The following ZNF469 variants were observed in gnomAD, a reference collection of about 807,000 sequenced individuals.
The protein encoded by ZNF469 is zinc finger protein 469.
Under a neutral mutation model 1.0 loss-of-function variants are expected in ZNF469, and 1 was observed. That is an observed-to-expected ratio of 1.00 (90% CI 0.35 to 4.73). The LOEUF (loss-of-function observed/expected upper bound fraction) is 4.73. Among genes scored for constraint, ZNF469 ranks in the 30% most tolerant of loss-of-function variants. The pLI is 0.16. For synonymous variants in ZNF469, 2,703 were observed against 2,363.4 expected (o/e 1.14, Z -4.17); for missense variants, 6,100 against 5,356.3 (o/e 1.14, Z -4.33).
chr16:88,298,004 G>C, the ZNF469 span, among the ~76,000 whole-genome samples: 2 of 152,184 alleles, frequency 1.3e-5, no homozygotes, highest in East Asian at 3.9e-4. Context: ...AGGGCGAGTC[G>C]ATTCCTGCAA....
At chr16:88,397,028 G>A (rs1327661294) in intron 1 of ZNF469, among the ~76,000 whole-genome samples, 1 of 151,568 alleles carries the variant, frequency 6.6e-6, no homozygotes, top group Non-Finnish European at 1.5e-5. Flanking sequence ...GGGAGGCCGG[G>A]AGGAGACCCT....
At chr16:88,240,596 G>A in the ZNF469 span, among the ~76,000 whole-genome samples, 11 of 152,100 alleles carry the variant, frequency 7.2e-5, no homozygotes, top group East Asian at 9.6e-4. Flanking sequence ...CGAGAGAAGC[G>A]TCTCTGGAGC....
chr16:88,285,449 A>G, the ZNF469 span, among the ~76,000 whole-genome samples: 1 of 152,228 alleles, frequency 6.6e-6, no homozygotes, highest in Non-Finnish European at 1.5e-5. Context: ...GTGGGAGGCC[A>G]CACTGTCACA....
At chr16:88,116,005 C>T in the ZNF469 span, among the ~76,000 whole-genome samples, 4 of 152,286 alleles carry the variant, frequency 2.6e-5, no homozygotes, top group Non-Finnish European at 4.4e-5. Flanking sequence ...GAAAAGTGTG[C>T]GCTCTGGGAA....
chr16:88,253,756 C>T, the ZNF469 span, among the ~76,000 whole-genome samples: 1 of 152,182 alleles, frequency 6.6e-6, no homozygotes, highest in Non-Finnish European at 1.5e-5. Context: ...CCAGGGTAGT[C>T]TCGAACTCCT....
In ZNF469 at chr16:88,431,370, C is replaced by G; in HGVS notation, c.3900C>G (p.Ser1300Arg). 1 of 1,549,942 alleles carries G rather than the reference C, an allele frequency of 6.5e-7. No individual in the cohort carries two copies. The highest frequency in any genetic ancestry group is 8.7e-7 in the Non-Finnish European group (1 of 1,146,860). ...GCTCGCCAACGCCAGGTGTGGGCAG[C>G]CTGCTGGGTGGTCCTGGGGGCACAC... ...HGSSPTPGVG[S>R]LLGGPGGTQA... Residue 1300 changes from serine (S) to arginine (R), a missense_variant, in exon 3 of 3, where the codon AGC becomes AGG. Transcript: ENST00000565624.
intron 1 of ZNF469, among the ~76,000 whole-genome samples, chr16:88,407,303 T>A (rs563243638): frequency 2.6e-5 from 4 of 152,358 alleles, no homozygotes; most frequent in African/African-American, 9.6e-5. Flanking sequence ...CGCCAGCACC[T>A]GCGTGCAGCT....
the ZNF469 span, among the ~76,000 whole-genome samples, chr16:88,145,366 C>T: frequency 3.9e-5 from 6 of 152,222 alleles, no homozygotes; most frequent in African/African-American, 7.2e-5. Flanking sequence ...CTGCTCCCCC[C>T]ACCTCCCCTC....
At chr16:88,190,179 C>G in the ZNF469 span, among the ~76,000 whole-genome samples, 1 of 152,230 alleles carries the variant, frequency 6.6e-6, no homozygotes, top group East Asian at 1.9e-4. Context: ...AAAACCTTCT[C>G]ATTTTTCTGG....
At chr16:88,268,948 G>A in the ZNF469 span, among the ~76,000 whole-genome samples, 1 of 152,238 alleles carries the variant, frequency 6.6e-6, no homozygotes, top group Non-Finnish European at 1.5e-5. Flanking sequence ...CCTGGGCAGT[G>A]ACATCACATT....
At chr16:88,110,869 G>A in the ZNF469 span, among the ~76,000 whole-genome samples, 1 of 152,258 alleles carries the variant, frequency 6.6e-6, no homozygotes, top group African/African-American at 2.4e-5. Flanking sequence ...CTGGAGAAAT[G>A]CGTCTGCAGC....
At chr16:88,361,963 TGTAA>T in the ZNF469 span, among the ~76,000 whole-genome samples, 6 of 152,330 alleles carry the variant, frequency 3.9e-5, no homozygotes, top group South Asian at 2.1e-4. Flanking sequence ...CAAATCGTCA[TGTAA>T]GTGTGTGTCT....
Position 88,428,116 on chromosome 16 carries a change from A to G in ZNF469, c.646A>G (p.Thr216Ala), listed in dbSNP as rs1905827976. The G allele has an allele frequency of 1.9e-6, 3 of 1,548,930 alleles. No homozygotes were observed. In the Admixed American group the frequency reaches 5.9e-5, roughly 30 times the overall value. ...PAPGPPQSRG[T>A]SPLQPGSYPE... ...CCCGGGGCCCCCCCAGAGCAGGGGC[A>G]CCAGCCCCCTCCAGCCCGGTTCCTA... is the stretch of plus-strand genomic sequence containing the variant. The change falls in exon 3 of 3, where the codon ACC becomes GCC. Residue 216 changes from threonine (T) to alanine (A), a missense_variant. Thr to Ala is a moderately conservative substitution (Grantham distance 58). Transcript: ENST00000565624.
the ZNF469 span, among the ~76,000 whole-genome samples, chr16:88,204,968 C>A: frequency 2.0e-5 from 3 of 152,114 alleles, no homozygotes; most frequent in Non-Finnish European, 4.4e-5. Context: ...CCCAAGTGTG[C>A]GCCAGCTGCA....
the ZNF469 span, among the ~76,000 whole-genome samples, chr16:88,307,373 G>A: frequency 6.6e-6 from 1 of 152,194 alleles, no homozygotes; most frequent in Non-Finnish European, 1.5e-5. Flanking sequence ...CAGCATTGCT[G>A]GTCGTACAGT....
Position 88,431,901 on chromosome 16 carries a change from C to G in ZNF469, c.4431C>G (p.Asp1477Glu). The change falls in exon 3 of 3, where the codon GAC becomes GAG. Residue 1477 changes from aspartate (D) to glutamate (E), a missense_variant. Transcript: ENST00000565624. ...PLYGSLSANRDSGLPFACADP... is the reference protein window; with the variant it reads ...PLYGSLSANRESGLPFACADP... ...ATGGCAGCCTGTCTGCGAACAGGGA[C>G]TCCGGTCTGCCGTTCGCATGTGCCG... 1 of 1,549,864 alleles carries G rather than the reference C, an allele frequency of 6.5e-7. No individual in the cohort carries two copies. Among genetic ancestry groups the G allele is most frequent in the East Asian group, 2.4e-5 (1 of 40,908 alleles).
At chr16:88,390,941 C>T (rs1904476167) in intron 1 of ZNF469, among the ~76,000 whole-genome samples, 1 of 152,246 alleles carries the variant, frequency 6.6e-6, no homozygotes, top group African/African-American at 2.4e-5. Flanking sequence ...AGCTCATGGT[C>T]AGCAGTTCCG....
At chr16:88,418,450 A>AG (rs1484389700) in intron 1 of ZNF469, among the ~76,000 whole-genome samples, 6 of 151,974 alleles carry the variant, frequency 3.9e-5, no homozygotes, top group African/African-American at 9.7e-5. Context: ...GGCAGAGGAG[A>AG]GGGGGGCTGC....
At chr16:88,201,655 C>T in the ZNF469 span, among the ~76,000 whole-genome samples, 1 of 152,306 alleles carries the variant, frequency 6.6e-6, no homozygotes, top group East Asian at 1.9e-4. The surrounding 1 kb of genome is among the most constrained non-coding windows in gnomAD (Gnocchi z 5.0). Context: ...AGTCCTGCAG[C>T]CCTGGAGTGG....
Sources: allele counts gnomAD v4.1 joint callset (sites outside exome capture counted in the v4.1 genomes callset), GRCh38; gene constraint gnomAD v4.1.1; non-coding constraint Gnocchi (gnomAD v3.1); transcripts MANE v1.5; gene names NCBI Gene and HGNC (gene_info 2026-07-23, HGNC 2026-07-21).